Variants in USP34 observed in about 807,000 individuals in gnomAD.
USP34 encodes the protein ubiquitin specific peptidase 34, also known as ubiquitin carboxyl-terminal hydrolase 34.
In USP34, 70 loss-of-function variants were observed where a neutral mutation model predicts 460.3. The observed-to-expected ratio is 0.15, with a 90% CI of 0.13 to 0.19. The LOEUF (loss-of-function observed/expected upper bound fraction) is 0.19. USP34 is among the 10% of genes least tolerant of loss of function. The pLI, the probability that USP34 is intolerant of heterozygous loss-of-function variation, is 1.00. For synonymous variants in USP34, 1,647 were observed against 1,405.3 expected, an observed-to-expected ratio of 1.17 and a Z score of -3.85; for missense variants, 3,985 against 4,236.2, an observed-to-expected ratio of 0.94 and a Z score of 1.65.
chr2:61,243,602 G>A lies in USP34; in HGVS notation c.6627+1608C>T, dbSNP rs147306307. ...TAAAAGGAAACATTCGGCTGAGTACGGTGGCTCATGCCTATAATCCCAGCA... is the reference window on the plus strand; with the variant it reads ...TAAAAGGAAACATTCGGCTGAGTACAGTGGCTCATGCCTATAATCCCAGCA... On this transcript the variant is annotated intron_variant, in intron 51 of 79. Coordinates refer to ENST00000398571, the MANE Select transcript of USP34 (RefSeq NM_014709.4). 4.1e-3 allele frequency among the ~76,000 whole-genome samples: 607 copies of A among 148,892 alleles called. 5 individuals carry two copies. Among genetic ancestry groups the A allele is most frequent in the African/African-American group, 0.012 (485 of 40,484 alleles).
At chr2:61,348,931 C>T (rs777581027) in intron 13 of USP34, 45 bp from the exon 14 acceptor site, 34 of 1,559,976 alleles carry the variant, frequency 2.2e-5, no homozygotes, top group Non-Finnish European at 2.7e-5. Context: ...TTTATATTAA[C>T]ATTGACTTAA....
intron 48 of USP34, among the ~76,000 whole-genome samples, chr2:61,253,966 C>A (rs1011862369): frequency 1.3e-5 from 2 of 152,212 alleles, no homozygotes; most frequent in African/African-American, 4.8e-5. Flanking sequence ...AACTCCTGAC[C>A]TCAGGCAATC....
intron 8 of USP34, among the ~76,000 whole-genome samples, chr2:61,372,662 C>T (rs867276373): frequency 2.6e-5 from 4 of 152,264 alleles, no homozygotes; most frequent in Middle Eastern, 3.4e-3. Flanking sequence ...AAGGCATAAT[C>T]GTGCTGTTGC....
In USP34 at chr2:61,298,537, CAAAAAAAAAAAAAA is replaced by C. The variant is rs57087400; in HGVS notation, c.4129-1626_4129-1613del. Among the ~76,000 whole-genome samples the C allele has an allele frequency of 9.5e-4, 27 of 28,286 alleles. No homozygotes were observed. In the East Asian group the frequency reaches 0.016, roughly 16 times the overall value. 18.6% of individuals were successfully genotyped at this position (28,286 alleles called of 152,430 possible). Reference sequence around the variant, plus strand: ...TGGAGGACAGAGTGAGACTCTGTCTCAAAAAAAAAAAAAAAAAAAAAAAAAAAAAAAAAAATCTG... The same window carrying C: ...TGGAGGACAGAGTGAGACTCTGTCTCAAAAAAAAAAAAAAAAAAAAATCTG... On this transcript the variant is annotated intron_variant, in intron 29 of 79. Coordinates refer to ENST00000398571, the MANE Select transcript of USP34 (RefSeq NM_014709.4).
chr2:61,428,900 A>G (rs1694585532), intron 1 of USP34, among the ~76,000 whole-genome samples: 1 of 152,264 alleles, frequency 6.6e-6, no homozygotes, highest in South Asian at 2.1e-4. Flanking sequence ...CAGGGCAGCC[A>G]GAATTCACAG....
intron 12 of USP34, 141 bp downstream of exon 12, chr2:61,350,119 T>C (rs1265038569): frequency 1.2e-6 from 1 of 841,406 alleles, no homozygotes; most frequent in African/African-American, 1.7e-5. Context: ...AATCACAGTA[T>C]TAATCCTTTT....
At chr2:61,241,353 T>C (rs1313223852) in intron 53 of USP34, among the ~76,000 whole-genome samples, 1 of 152,148 alleles carries the variant, frequency 6.6e-6, no homozygotes, top group Non-Finnish European at 1.5e-5. Context: ...CCTACTCTCT[T>C]TTAGTGATAT....
chr2:61,238,044 C>T lies in USP34; in HGVS notation c.6778-1655G>A, dbSNP rs557512163. On this transcript the variant is annotated intron_variant, in intron 53 of 79. Transcript: ENST00000398571. Reference sequence around the variant, plus strand: ...CCAAGTAGCTGGGATTACAGGTGCCCGCCACCATACCCAGTTAATTTTTGT... The same window carrying T: ...CCAAGTAGCTGGGATTACAGGTGCCTGCCACCATACCCAGTTAATTTTTGT... 1.8e-4 allele frequency among the ~76,000 whole-genome samples: 28 copies of T among 151,542 alleles called. No homozygotes were observed. In the East Asian group the frequency reaches 2.9e-3, roughly 16 times the overall value.
chr2:61,335,004 A>G (rs1400798277), intron 18 of USP34, among the ~76,000 whole-genome samples: 2 of 151,442 alleles, frequency 1.3e-5, no homozygotes, highest in Non-Finnish European at 2.9e-5. Flanking sequence ...TTTAAGTGCT[A>G]TAATGACCAG....
chr2:61,387,039 C>G (rs941655607), intron 5 of USP34, among the ~76,000 whole-genome samples: 2 of 152,074 alleles, frequency 1.3e-5, no homozygotes, highest in African/African-American at 4.8e-5. Flanking sequence ...CAAGGAAATT[C>G]TAAACATCAG....
chr2:61,411,503 G>C (rs1306234414), intron 2 of USP34, among the ~76,000 whole-genome samples: 1 of 151,970 alleles, frequency 6.6e-6, no homozygotes, highest in Admixed American at 6.6e-5. Context: ...ATATCTCAAA[G>C]CGAAAGATTG....
chr2:61,280,521 C>CA (rs986170974), intron 38 of USP34, among the ~76,000 whole-genome samples, 173 bp from the exon 39 acceptor site: 4 of 151,624 alleles, frequency 2.6e-5, no homozygotes, highest in African/African-American at 7.3e-5. Context: ...AATAACCAGG[C>CA]AAAAAAATGA....
At chr2:61,463,222 G>A (rs914346957) in intron 1 of USP34, among the ~76,000 whole-genome samples, 6 of 152,116 alleles carry the variant, frequency 3.9e-5, no homozygotes, top group East Asian at 1.9e-4. Flanking sequence ...CAACACTTTG[G>A]GAGGCTGAGG....
intron 39 of USP34, 22 bp downstream of exon 39, chr2:61,280,219 ATAG>A: frequency 7.8e-7 from 1 of 1,279,428 alleles, no homozygotes; most frequent in Non-Finnish European, 1.1e-6. Context: ...AATACATAGA[ATAG>A]TATATAATTT....
intron 53 of USP34, among the ~76,000 whole-genome samples, chr2:61,240,010 CAA>C (rs10552748): frequency 0.57 from 58,872 of 103,824 alleles, 13,276 homozygotes; most frequent in African/African-American, 0.66. Context: ...GACTCCTTCT[CAA>C]AAAAAAAAAA....
intron 29 of USP34, among the ~76,000 whole-genome samples, chr2:61,298,074 G>A (rs946043417): frequency 1.3e-4 from 20 of 152,050 alleles, no homozygotes; most frequent in Non-Finnish European, 2.1e-4. Context: ...TCTTCAAAGT[G>A]TGCATAAGTA....
intron 1 of USP34, among the ~76,000 whole-genome samples, chr2:61,460,883 T>C (rs1695578208): frequency 6.7e-6 from 1 of 150,188 alleles, no homozygotes; most frequent in African/African-American, 2.5e-5. Flanking sequence ...CTCGAGAGGC[T>C]GAGGCAGGAC....
intron 71 of USP34, 41 bp from the exon 72 acceptor site, chr2:61,206,165 C>A: frequency 6.6e-7 from 1 of 1,515,036 alleles, no homozygotes; most frequent in South Asian, 1.1e-5. Flanking sequence ...CATCTGAGAT[C>A]AAACTTCCTC....
chr2:61,222,895 C>A, intron 64 of USP34, 165 bp downstream of exon 64: 1 of 701,378 alleles, frequency 1.4e-6, no homozygotes, highest in East Asian at 2.7e-5. Flanking sequence ...CGGGTTCTCA[C>A]TATGTTGCCT....
Sources: allele counts gnomAD v4.1 joint callset (sites outside exome capture counted in the v4.1 genomes callset), GRCh38; gene constraint gnomAD v4.1.1; transcripts MANE v1.5; gene names NCBI Gene and HGNC (gene_info 2026-07-23, HGNC 2026-07-21).